The following OSBPL11 variants were observed in gnomAD, a reference collection of about 807,000 sequenced individuals.
OSBPL11 encodes oxysterol-binding protein-related protein 11.
OSBPL11 carries 33 observed loss-of-function variants against 84.4 expected under a neutral mutation model. That is an observed-to-expected ratio of 0.39 (90% CI 0.30 to 0.52). OSBPL11 has a LOEUF of 0.52. Ranked by LOEUF, OSBPL11 falls within the 20% of genes least tolerant of loss-of-function variation. OSBPL11 has a pLI of 0.72. For synonymous variants in OSBPL11, 276 were observed against 310.2 expected, an observed-to-expected ratio of 0.89 and a Z score of 1.16; for missense variants, 736 against 901.1, an observed-to-expected ratio of 0.82 and a Z score of 2.35.
At chr3:125,589,205 C>T (rs547179646) in intron 1 of OSBPL11, among the ~76,000 whole-genome samples, 45 of 151,978 alleles carry the variant, frequency 3.0e-4, no homozygotes, top group Non-Finnish European at 4.9e-4. Flanking sequence ...AAGAATTAGC[C>T]GGGTGGCACC....
chr3:125,553,941 TGA>T (rs1935953284), intron 8 of OSBPL11, among the ~76,000 whole-genome samples: 1 of 152,172 alleles, frequency 6.6e-6, no homozygotes, highest in Non-Finnish European at 1.5e-5. Context: ...AACAAAATTT[TGA>T]GAGTTCCTAA....
At chr3:125,541,900 G>A (rs1043826585) in intron 10 of OSBPL11, among the ~76,000 whole-genome samples, 5 of 152,136 alleles carry the variant, frequency 3.3e-5, no homozygotes, top group African/African-American at 1.2e-4. Flanking sequence ...CTTGCAGTTA[G>A]TAAATAATAG....
intron 1 of OSBPL11, among the ~76,000 whole-genome samples, chr3:125,586,338 A>C (rs184383725): frequency 6.6e-6 from 1 of 152,262 alleles, no homozygotes; most frequent in East Asian, 1.9e-4. Flanking sequence ...TAATCTTTTA[A>C]ACTTGTTAAC....
chr3:125,535,522 C>T (rs1044406016), intron 11 of OSBPL11, among the ~76,000 whole-genome samples: 10 of 144,812 alleles, frequency 6.9e-5, no homozygotes, highest in African/African-American at 2.6e-4. Context: ...CGGCTCACTG[C>T]AACCTCCACC....
At chr3:125,541,101 T>C (rs940366327) in intron 10 of OSBPL11, among the ~76,000 whole-genome samples, 1 of 152,218 alleles carries the variant, frequency 6.6e-6, no homozygotes, top group Non-Finnish European at 1.5e-5. Context: ...CATGGCTGTG[T>C]TCCAATAAAA....
intron 7 of OSBPL11, among the ~76,000 whole-genome samples, chr3:125,560,987 C>G (rs1283823757): frequency 6.6e-6 from 1 of 151,932 alleles, no homozygotes; most frequent in Non-Finnish European, 1.5e-5. Flanking sequence ...GTGCCCACCA[C>G]CATGCCCGGT....
rs749455120 is a variant in OSBPL11, at chr3:125,531,810, A to T, written c.2178+51T>A. 5.9e-6 allele frequency: 9 copies of T among 1,524,630 alleles called. No individual in the cohort carries two copies. The African/African-American group carries it at 1.3e-4, about 21-fold the overall frequency. The allele number at this position is 1,524,630 out of a possible 1,614,324, so 94.4% of individuals were successfully genotyped here. ...AATTCAACAAAGCCTAGTAAGCTAA[A>T]GTTCTCAGCCAAGTAGATACATTTT... On this transcript the variant is annotated intron_variant, in intron 12 of 12. Coordinates refer to ENST00000296220, the MANE Select transcript of OSBPL11 (RefSeq NM_022776.5).
intron 5 of OSBPL11, 126 bp from the exon 6 acceptor site, chr3:125,567,721 G>C: frequency 1.4e-6 from 1 of 738,220 alleles, no homozygotes. Context: ...GGCTAGGCAT[G>C]GTGGCTCACA....
At chr3:125,545,146 A>G (rs71325849) in intron 10 of OSBPL11, among the ~76,000 whole-genome samples, 10,189 of 152,288 alleles carry the variant, frequency 0.067, 460 homozygotes, top group Non-Finnish European at 0.098. Flanking sequence ...ATGAAGCATA[A>G]TTACATTTTA....
intron 1 of OSBPL11, among the ~76,000 whole-genome samples, chr3:125,584,064 T>C (rs1452979287): frequency 1.3e-5 from 2 of 152,078 alleles, no homozygotes; most frequent in African/African-American, 4.8e-5. Flanking sequence ...CAGCTCAGCT[T>C]CCCGAAAAAC....
At chr3:125,592,010 A>G (rs1234817197) in intron 1 of OSBPL11, among the ~76,000 whole-genome samples, 5 of 152,132 alleles carry the variant, frequency 3.3e-5, no homozygotes, top group Non-Finnish European at 7.3e-5. Flanking sequence ...TCAAAAAAAA[A>G]AGTTAAATTG....
In OSBPL11 at chr3:125,552,563, T is replaced by G. The variant is rs1465414633; in HGVS notation, c.1272A>C (p.Arg424Ser). 1 of 1,614,082 alleles carries G rather than the reference T, an allele frequency of 6.2e-7. No individual in the cohort carries two copies. Among genetic ancestry groups the G allele is most frequent in the Non-Finnish European group, 8.5e-7 (1 of 1,180,042 alleles). The part of the protein sequence containing the change: ...AITNGATAED[R>S]MIRFVEYYLT... ...GGTAGTACTCAACAAAGCGAATCAT[T>G]CTGTCCTCAGCTGTGGCTCCATTAG... The change falls in exon 9 of 13, where the codon AGA becomes AGC. Residue 424 changes from arginine to serine, a missense_variant. Physicochemically the swap from Arg to Ser is moderately radical, Grantham distance 110. Transcript: ENST00000296220.
chr3:125,548,990 T>A (rs548699398), intron 9 of OSBPL11, among the ~76,000 whole-genome samples: 2 of 152,202 alleles, frequency 1.3e-5, no homozygotes, highest in East Asian at 3.9e-4. Flanking sequence ...ATGAGAGCTG[T>A]CAGATGACAG....
At chr3:125,537,697 T>G (rs1290039667) in intron 11 of OSBPL11, among the ~76,000 whole-genome samples, 14 of 152,186 alleles carry the variant, frequency 9.2e-5, no homozygotes, top group Non-Finnish European at 7.4e-5. Flanking sequence ...TTTTAATTGA[T>G]AGAAGGACAT....
At chr3:125,570,420 G>A (rs1399139488) in intron 5 of OSBPL11, among the ~76,000 whole-genome samples, 2 of 152,056 alleles carry the variant, frequency 1.3e-5, no homozygotes, top group African/African-American at 2.4e-5. Flanking sequence ...GGGAGGCTGA[G>A]GCGGGAGGAC....
At chr3:125,560,612 G>T in intron 7 of OSBPL11, 93 bp from the exon 8 acceptor site, 1 of 1,173,900 alleles carries the variant, frequency 8.5e-7, no homozygotes, top group Non-Finnish European at 1.1e-6. Flanking sequence ...GAAGACATTT[G>T]TATTTGACCT....
At chr3:125,532,104 A>G (rs1429793735) in intron 11 of OSBPL11, 90 bp from the exon 12 acceptor site, 3 of 1,319,370 alleles carry the variant, frequency 2.3e-6, no homozygotes, top group Non-Finnish European at 3.1e-6. Flanking sequence ...ATAATTTTAT[A>G]AAATAACGTT....
At chr3:125,543,504 A>G (rs766866098) in intron 10 of OSBPL11, among the ~76,000 whole-genome samples, 5 of 152,204 alleles carry the variant, frequency 3.3e-5, no homozygotes, top group Non-Finnish European at 5.9e-5. Flanking sequence ...AAATGTGACC[A>G]TCAATAGTAG....
chr3:125,561,567 T>C (rs776083593), intron 7 of OSBPL11, among the ~76,000 whole-genome samples: 28 of 152,238 alleles, frequency 1.8e-4, no homozygotes, highest in Non-Finnish European at 3.8e-4. Flanking sequence ...TCTACTTCCA[T>C]ATCCTTCTAT....
Sources: allele counts gnomAD v4.1 joint callset (sites outside exome capture counted in the v4.1 genomes callset), GRCh38; gene constraint gnomAD v4.1.1; transcripts MANE v1.5; gene names NCBI Gene and HGNC (gene_info 2026-07-23, HGNC 2026-07-21).